The following IL34 variants were observed in gnomAD, a reference collection of about 807,000 sequenced individuals.
IL34 encodes interleukin 34.
A neutral mutation model predicts 25.3 loss-of-function variants in IL34; 17 were observed. The ratio of observed to expected loss-of-function variants is 0.67; its 90% confidence interval spans 0.46 to 1.01. IL34 has a LOEUF of 1.01. Among genes scored for constraint, IL34 ranks in the 50% least tolerant of loss-of-function variants. The probability of loss-of-function intolerance (pLI) is 0.00; values close to 1 mark genes in which losing one functional copy is unlikely to be tolerated. For missense variants in IL34, 368 were observed against 312.9 expected, an observed-to-expected ratio of 1.18 and a Z score of -1.33; for synonymous variants, 174 against 140.9, an observed-to-expected ratio of 1.23 and a Z score of -1.66.
At chr16:70,634,243 ACTCTGTT>A (rs2051588076) in intron 1 of IL34, among the ~76,000 whole-genome samples, 1 of 152,032 alleles carries the variant, frequency 6.6e-6, no homozygotes, top group South Asian at 2.1e-4. Context: ...GTATGCAAAT[ACTCTGTT>A]TCCAAACAAG....
chr16:70,659,948 G>A (rs746778123), intron 5 of IL34, 49 bp from the exon 6 acceptor site: 9 of 1,517,422 alleles, frequency 5.9e-6, no homozygotes, highest in Admixed American at 2.1e-5. Flanking sequence ...TGGGGAGGGT[G>A]GTCTTGAACA....
At chr16:70,642,282 G>A (rs982102423), upstream of IL34, among the ~76,000 whole-genome samples, 17 of 148,852 alleles carry the variant, frequency 1.1e-4, no homozygotes, top group African/African-American at 2.5e-4. Flanking sequence ...GAGAGTGAGC[G>A]TACTCTGATG....
upstream of IL34, among the ~76,000 whole-genome samples, chr16:70,641,665 C>G (rs1295352870): frequency 6.6e-6 from 1 of 151,642 alleles, no homozygotes. Flanking sequence ...TCCCCAGATT[C>G]AAGTGATCTT....
At chr16:70,623,745 T>C (rs1426611080) in intron 1 of IL34, among the ~76,000 whole-genome samples, 3 of 151,680 alleles carry the variant, frequency 2.0e-5, no homozygotes, top group Non-Finnish European at 2.9e-5. Context: ...AAGCAGATAA[T>C]TTAGTTAAAG....
At chr16:70,619,841 G>A (rs2151835779) in intron 1 of IL34, among the ~76,000 whole-genome samples, 2 of 152,308 alleles carry the variant, frequency 1.3e-5, no homozygotes, top group East Asian at 3.9e-4. Context: ...TTTTCAGTGG[G>A]GTCCCACACA....
chr16:70,581,248 T>C (rs890882714), intron 1 of IL34, among the ~76,000 whole-genome samples: 1 of 152,148 alleles, frequency 6.6e-6, no homozygotes, highest in Non-Finnish European at 1.5e-5. Flanking sequence ...ATAAACCAAC[T>C]AACTAGATGT....
At chr16:70,593,468 G>T (rs1395089801) in intron 1 of IL34, among the ~76,000 whole-genome samples, 1 of 152,042 alleles carries the variant, frequency 6.6e-6, no homozygotes, top group Non-Finnish European at 1.5e-5. Context: ...AAAGGTCTAA[G>T]GTCTAAGGTC....
intron 1 of IL34, among the ~76,000 whole-genome samples, chr16:70,639,381 G>A (rs192119004): frequency 1.7e-4 from 26 of 152,280 alleles, no homozygotes; most frequent in African/African-American, 4.8e-4. Context: ...ACAATATTGC[G>A]TTTATATCAG....
At chr16:70,659,594 T>C in intron 4 of IL34, 24 bp from the exon 5 acceptor site, 1 of 1,592,784 alleles carries the variant, frequency 6.3e-7, no homozygotes, top group Non-Finnish European at 8.6e-7. Flanking sequence ...TCGCCACCGC[T>C]CCTGACTGTT....
intron 1 of IL34, among the ~76,000 whole-genome samples, chr16:70,609,309 C>T (rs929718083): frequency 3.3e-5 from 5 of 152,000 alleles, no homozygotes; most frequent in African/African-American, 1.2e-4. Flanking sequence ...GAACTCCTGA[C>T]CTCAGGTGAT....
At chr16:70,633,991 C>T (rs1313660415) in intron 1 of IL34, among the ~76,000 whole-genome samples, 1 of 152,096 alleles carries the variant, frequency 6.6e-6, no homozygotes, top group Non-Finnish European at 1.5e-5. Flanking sequence ...GCTGGAATTA[C>T]AGGCGTGCAC....
At chr16:70,594,721 G>C (rs578198578) in intron 1 of IL34, among the ~76,000 whole-genome samples, 108 of 152,246 alleles carry the variant, frequency 7.1e-4, no homozygotes, top group South Asian at 1.5e-3. Flanking sequence ...AGAACACACT[G>C]GTCCTGCCAA....
At chr16:70,592,399 G>A (rs1011808939) in intron 1 of IL34, among the ~76,000 whole-genome samples, 1 of 152,100 alleles carries the variant, frequency 6.6e-6, no homozygotes, top group East Asian at 1.9e-4. Flanking sequence ...ATGAGAATCA[G>A]GTAGCAACAT....
intron 1 of IL34, among the ~76,000 whole-genome samples, chr16:70,652,422 C>T (rs915575563): frequency 3.9e-5 from 6 of 152,036 alleles, no homozygotes; most frequent in Non-Finnish European, 7.4e-5. Context: ...GGTGCCACTG[C>T]ACCTGTCTGC....
In IL34 at chr16:70,646,836, T is replaced by C; in HGVS notation, c.-112T>C. ...CACTCCTCCAGGGCCAGCCCTTCCCTGACTGAGTGACCACCTCTGCTGCCC... is the reference window on the plus strand; with the variant it reads ...CACTCCTCCAGGGCCAGCCCTTCCCCGACTGAGTGACCACCTCTGCTGCCC... On this transcript the variant is annotated 5_prime_UTR_variant, in exon 1 of 6. Coordinates refer to ENST00000288098, the MANE Select transcript of IL34 (RefSeq NM_001393494.1). The C allele has an allele frequency of 1.9e-6, 2 of 1,075,016 alleles. No individual in the cohort carries two copies. The highest frequency in any genetic ancestry group is 1.7e-5 in the South Asian group (1 of 58,538). 66.6% of individuals were successfully genotyped at this position (1,075,016 alleles called of 1,614,324 possible).
chr16:70,586,397 C>T (rs975845263), intron 1 of IL34, among the ~76,000 whole-genome samples: 7 of 151,990 alleles, frequency 4.6e-5, no homozygotes, highest in Non-Finnish European at 1.0e-4. Flanking sequence ...GGAAAGACTT[C>T]GTCTATACAA....
At chr16:70,629,510 T>C (rs2051469971) in intron 1 of IL34, among the ~76,000 whole-genome samples, 1 of 152,170 alleles carries the variant, frequency 6.6e-6, no homozygotes, top group Non-Finnish European at 1.5e-5. Context: ...TAAAATGGCA[T>C]AGTATTTGCA....
intron 1 of IL34, among the ~76,000 whole-genome samples, chr16:70,636,598 C>G (rs2051652711): frequency 7.8e-6 from 1 of 127,668 alleles, no homozygotes; most frequent in Admixed American, 7.8e-5. Context: ...CACACACACA[C>G]ACACACACAC....
intron 1 of IL34, among the ~76,000 whole-genome samples, chr16:70,653,562 G>T (rs1443600093): frequency 2.0e-5 from 3 of 152,136 alleles, no homozygotes; most frequent in African/African-American, 7.2e-5. Flanking sequence ...AGCAGGCGTA[G>T]TAGCATGCAA....
Sources: gnomAD v4.1 joint callset for allele counts (sites outside exome capture counted in the v4.1 genomes callset) on GRCh38, gnomAD v4.1.1 for gene constraint, MANE v1.5 for transcripts, NCBI Gene and HGNC (gene_info 2026-07-23, HGNC 2026-07-21) for gene names.